RHAG: variants seen among roughly 807,000 people sequenced by gnomAD.
RHAG encodes ammonium transporter Rh type A.
A neutral mutation model predicts 42.4 loss-of-function variants in RHAG; 25 were observed. The observed-to-expected ratio is 0.59, with a 90% CI of 0.43 to 0.82. The LOEUF (loss-of-function observed/expected upper bound fraction) is 0.82. RHAG is among the 40% of genes least tolerant of loss of function. The probability of loss-of-function intolerance (pLI) is 0.00; values close to 1 mark genes in which losing one functional copy is unlikely to be tolerated. For synonymous variants in RHAG, 182 were observed against 177.7 expected (o/e 1.02, Z -0.19); for missense variants, 483 against 504.6 (o/e 0.96, Z 0.41).
chr6:49,616,349 C>T (rs1334501279), intron 3 of RHAG, among the ~76,000 whole-genome samples: 1 of 37,224 alleles, frequency 2.7e-5, no homozygotes, highest in Non-Finnish European at 4.5e-5. Context: ...GAACTAATCT[C>T]AAACCAAAAA....
chr6:49,626,159 T>C (rs1762840660), intron 1 of RHAG, among the ~76,000 whole-genome samples: 2 of 152,086 alleles, frequency 1.3e-5, no homozygotes, highest in South Asian at 4.1e-4. Context: ...AATCATGCCT[T>C]CCCAACCGTC....
chr6:49,613,541 T>C (rs753185287), intron 5 of RHAG, among the ~76,000 whole-genome samples: 10 of 152,144 alleles, frequency 6.6e-5, no homozygotes, highest in Non-Finnish European at 1.0e-4. Flanking sequence ...AAATAAGATA[T>C]ATGTCCTCAG....
intron 1 of RHAG, among the ~76,000 whole-genome samples, chr6:49,633,093 TA>T (rs991783677): frequency 6.6e-6 from 1 of 152,204 alleles, no homozygotes; most frequent in African/African-American, 2.4e-5. Flanking sequence ...CTCTACTGTT[TA>T]AAAAAGCACG....
chr6:49,619,685 A>T (rs191558328), intron 1 of RHAG, among the ~76,000 whole-genome samples: 2 of 152,062 alleles, frequency 1.3e-5, no homozygotes, highest in Non-Finnish European at 2.9e-5. Flanking sequence ...AGCAAGCATC[A>T]CCCCTTCTTG....
At chr6:49,623,080 C>T (rs900477022) in intron 1 of RHAG, among the ~76,000 whole-genome samples, 14 of 152,084 alleles carry the variant, frequency 9.2e-5, no homozygotes, top group Non-Finnish European at 1.9e-4. Context: ...CCTCGTGATC[C>T]GCCCGCCTCG....
chr6:49,630,082 G>A (rs1762912294), intron 1 of RHAG, among the ~76,000 whole-genome samples: 1 of 152,250 alleles, frequency 6.6e-6, no homozygotes. Flanking sequence ...AGCGAGGGCT[G>A]TGAGGACTGC....
chr6:49,614,617 C>T (rs1581940062), intron 5 of RHAG, 70 bp downstream of exon 5: 1 of 1,304,016 alleles, frequency 7.7e-7, no homozygotes, highest in South Asian at 1.2e-5. Context: ...GCAGAAATTA[C>T]CTACTACTTA....
Position 49,614,192 on chromosome 6 carries a change from CT to C in RHAG, c.807+494del, listed in dbSNP as rs544457151. 9.4e-3 allele frequency among the ~76,000 whole-genome samples: 1,360 copies of C among 145,100 alleles called. 16 individuals carry two copies. The highest frequency in any genetic ancestry group is 0.029 in the African/African-American group (1,158 of 39,730). On this transcript the variant is annotated intron_variant, in intron 5 of 9. Transcript: ENST00000371175. ...CTTCCAGGACAAAAATTTTTTTTTTCTTTTTTTTTTTCTTTGTGAGATGGAG... is the reference window on the plus strand; with the variant it reads ...CTTCCAGGACAAAAATTTTTTTTTTCTTTTTTTTTTCTTTGTGAGATGGAG...
At chr6:49,631,394 T>C (rs1762934128) in intron 1 of RHAG, among the ~76,000 whole-genome samples, 1 of 152,248 alleles carries the variant, frequency 6.6e-6, no homozygotes, top group Admixed American at 6.5e-5. Flanking sequence ...ATTAGTATTC[T>C]TCTATAAAGA....
At chr6:49,630,474 C>T (rs143094124) in intron 1 of RHAG, among the ~76,000 whole-genome samples, 120 of 152,240 alleles carry the variant, frequency 7.9e-4, no homozygotes, top group Non-Finnish European at 1.5e-3. Context: ...TCAAGGCTGG[C>T]AAGGTAGTTT....
At chr6:49,608,532 C>T (rs1278781257) in intron 7 of RHAG, among the ~76,000 whole-genome samples, 1 of 152,096 alleles carries the variant, frequency 6.6e-6, no homozygotes, top group African/African-American at 2.4e-5. Flanking sequence ...CACCCACCAC[C>T]ATGCCGGGTA....
intron 1 of RHAG, among the ~76,000 whole-genome samples, chr6:49,631,423 T>C (rs1197630398): frequency 1.3e-5 from 2 of 152,248 alleles, no homozygotes; most frequent in Non-Finnish European, 2.9e-5. Context: ...CTCCTTCTCC[T>C]CTTTTTCTCT....
At chr6:49,606,130 A>C (rs1179750924) in intron 9 of RHAG, among the ~76,000 whole-genome samples, 1 of 152,160 alleles carries the variant, frequency 6.6e-6, no homozygotes, top group Admixed American at 6.6e-5. Flanking sequence ...GTAAAGAGAA[A>C]CTGGAGGATA....
chr6:49,628,504 C>T (rs1011908570), intron 1 of RHAG, among the ~76,000 whole-genome samples: 6 of 152,032 alleles, frequency 3.9e-5, no homozygotes, highest in East Asian at 1.9e-4. Context: ...CTTAAGGTGG[C>T]GTGTCTGGGT....
chr6:49,609,318 C>CTT (rs889143339), intron 7 of RHAG, among the ~76,000 whole-genome samples: 4 of 152,176 alleles, frequency 2.6e-5, no homozygotes, highest in African/African-American at 9.7e-5. Context: ...GACCCTCAAC[C>CTT]ATGAGACTTA....
rs1483010643 is a variant in RHAG, at chr6:49,615,701, A to G, written c.563T>C (p.Ile188Thr). ...GAYFGLAVAG[I>T]LYRSGLRKGH... The stretch of plus-strand genomic sequence containing the variant: ...CTTTCTCAGTCCAGATCGATACAAG[A>G]TGCCTGCTACAGCCAAGCCAAAGTA... Residue 188 changes from isoleucine (I) to threonine (T), a missense_variant, in exon 4 of 10, where the codon ATC becomes ACC. Physicochemically the swap from Ile to Thr is moderately conservative, Grantham distance 89 (BLOSUM62 -1). Transcript: ENST00000371175. 1.2e-6 allele frequency: 2 copies of G among 1,614,176 alleles called. No homozygotes were observed. The highest frequency in any genetic ancestry group is 1.7e-6 in the Non-Finnish European group (2 of 1,180,024).
At chr6:49,635,763 T>TA (rs1202771911) in intron 1 of RHAG, among the ~76,000 whole-genome samples, 3 of 151,826 alleles carry the variant, frequency 2.0e-5, no homozygotes, top group South Asian at 2.1e-4. Flanking sequence ...AATGTTGGAA[T>TA]AAAAAAAAGG....
intron 5 of RHAG, among the ~76,000 whole-genome samples, chr6:49,613,055 G>T (rs2023198): frequency 0.31 from 46,331 of 151,404 alleles, 7,569 homozygotes; most frequent in East Asian, 0.51. Context: ...TGAGGATGAA[G>T]GAAAGAGGAA....
At chr6:49,610,668 ACTGTTC>A (rs1368186686) in intron 7 of RHAG, among the ~76,000 whole-genome samples, 2 of 152,074 alleles carry the variant, frequency 1.3e-5, no homozygotes, top group Non-Finnish European at 2.9e-5. Context: ...GATGGAACTG[ACTGTTC>A]AGCTCATCAT....
Sources: allele counts gnomAD v4.1 joint callset (sites outside exome capture counted in the v4.1 genomes callset), GRCh38; gene constraint gnomAD v4.1.1; transcripts MANE v1.5; gene names NCBI Gene and HGNC (gene_info 2026-07-23, HGNC 2026-07-21).